PTPRT: variants seen among roughly 807,000 people sequenced by gnomAD.
The protein encoded by PTPRT is protein tyrosine phosphatase receptor type T, also known as receptor-type tyrosine-protein phosphatase T.
In PTPRT, 56 loss-of-function variants were observed where a neutral mutation model predicts 176.8. That is an observed-to-expected ratio of 0.32 (90% CI 0.26 to 0.40). The LOEUF is 0.40. Ranked by LOEUF, PTPRT falls within the 10% of genes least tolerant of loss-of-function variation. The pLI, the probability that PTPRT is intolerant of heterozygous loss-of-function variation, is 1.00. For missense variants in PTPRT, 1,540 were observed against 1,908.2 expected (o/e 0.81, Z 3.60); for synonymous variants, 783 against 739.0 (o/e 1.06, Z -0.96).
At chr20:42,416,947 G>A (rs1185886924) in intron 9 of PTPRT, among the ~76,000 whole-genome samples, 1 of 152,112 alleles carries the variant, frequency 6.6e-6, no homozygotes, top group Non-Finnish European at 1.5e-5. Flanking sequence ...GACTGTGGGT[G>A]TTTCTTCTTC....
chr20:42,838,549 C>A (rs1452931606), intron 2 of PTPRT, among the ~76,000 whole-genome samples: 2 of 152,092 alleles, frequency 1.3e-5, no homozygotes, highest in Non-Finnish European at 2.9e-5. Context: ...GGCTTCTGAC[C>A]AAAGGGTCTA....
At chr20:43,127,049 G>C (rs145354949) in intron 1 of PTPRT, among the ~76,000 whole-genome samples, 28 of 152,132 alleles carry the variant, frequency 1.8e-4, no homozygotes, top group Admixed American at 1.8e-3. Flanking sequence ...AATATTTGTG[G>C]GGTAGATTTA....
chr20:42,115,081 G>A (rs1337855628), intron 22 of PTPRT, 118 bp downstream of exon 22: 8 of 721,626 alleles, frequency 1.1e-5, no homozygotes, highest in Non-Finnish European at 2.0e-5. Context: ...CTGATCTGTT[G>A]CTGGTGCCAA....
chr20:42,366,995 A>G (rs1344979609), intron 9 of PTPRT, among the ~76,000 whole-genome samples: 1 of 152,186 alleles, frequency 6.6e-6, no homozygotes, highest in Non-Finnish European at 1.5e-5. Context: ...TTCTTTATAG[A>G]TGTAATCCTT....
rs74478603 is a variant in PTPRT, at chr20:42,498,079, A to G, written c.1154-25517T>C. The stretch of plus-strand genomic sequence containing the variant: ...TGTATGGGTATCACGGTGTTTTTCA[A>G]GGTTTACACTATTGCACCAAACATG... On this transcript the variant is annotated intron_variant, in intron 7 of 30. Transcript: ENST00000373187. Among the ~76,000 whole-genome samples, 1,108 of 152,252 alleles carry G rather than the reference A, an allele frequency of 7.3e-3. 15 individuals are homozygous for G. The highest frequency in any genetic ancestry group is 0.026 in the African/African-American group (1,060 of 41,540).
intron 11 of PTPRT, among the ~76,000 whole-genome samples, chr20:42,336,182 A>G (rs1353574848): frequency 6.6e-6 from 1 of 152,182 alleles, no homozygotes; most frequent in African/African-American, 2.4e-5. Flanking sequence ...ACCTGTTTTT[A>G]TGGAATTGTA....
intron 1 of PTPRT, among the ~76,000 whole-genome samples, chr20:42,916,366 C>G (rs1163595977): frequency 2.6e-5 from 4 of 152,018 alleles, no homozygotes; most frequent in East Asian, 3.9e-4. Context: ...GTCTATCGTT[C>G]TTGGACATTT....
chr20:42,597,100 A>C (rs2073684630), intron 7 of PTPRT, among the ~76,000 whole-genome samples: 1 of 152,170 alleles, frequency 6.6e-6, no homozygotes, highest in Non-Finnish European at 1.5e-5. Flanking sequence ...ATCTCATCTT[A>C]GGCTGAGTCT....
At chr20:42,196,218 T>G (rs1046997823) in intron 16 of PTPRT, among the ~76,000 whole-genome samples, 1 of 152,234 alleles carries the variant, frequency 6.6e-6, no homozygotes, top group South Asian at 2.1e-4. Context: ...ACTTGACCAG[T>G]ATTTTCAATC....
rs190052304 is a variant in PTPRT at position 43,156,792 on chromosome 20, A to C, written c.88+32854T>G. ...GAAAAATTTGCTACAGCTACACTGG[A>C]GTGTCTGAGATCATTGAGAGACACC... On this transcript the variant is annotated intron_variant, in intron 1 of 30. Transcript: ENST00000373187. Among the ~76,000 whole-genome samples the C allele has an allele frequency of 1.1e-4, 16 of 152,300 alleles. No homozygotes were observed. The East Asian group carries it at 3.1e-3, about 29-fold the overall frequency.
chr20:43,119,754 T>C (rs2013189419), intron 1 of PTPRT, among the ~76,000 whole-genome samples: 1 of 152,210 alleles, frequency 6.6e-6, no homozygotes, highest in Non-Finnish European at 1.5e-5. Flanking sequence ...ACTTGTGATG[T>C]GTTTAATAAA....
chr20:42,323,479 A>G (rs931804078), intron 11 of PTPRT, among the ~76,000 whole-genome samples: 3 of 152,168 alleles, frequency 2.0e-5, no homozygotes, highest in Non-Finnish European at 4.4e-5. Context: ...ATGAAGCTGG[A>G]AACCATCATT....
chr20:42,342,789 G>A (rs1231192282), intron 11 of PTPRT, among the ~76,000 whole-genome samples: 1 of 152,150 alleles, frequency 6.6e-6, no homozygotes, highest in East Asian at 1.9e-4. Flanking sequence ...GTTATTAAAG[G>A]AATCCTGAAG....
At chr20:42,825,948 AAAC>A (rs2077985458) in intron 2 of PTPRT, among the ~76,000 whole-genome samples, 2 of 152,130 alleles carry the variant, frequency 1.3e-5, no homozygotes, top group African/African-American at 4.8e-5. Flanking sequence ...CTAGGGCTGA[AAAC>A]AAAATTACCT....
chr20:43,066,170 C>T (rs1487415796), intron 1 of PTPRT, among the ~76,000 whole-genome samples: 2 of 152,112 alleles, frequency 1.3e-5, no homozygotes, highest in Non-Finnish European at 2.9e-5. Flanking sequence ...GTGGCAGGTG[C>T]CTGTATGAGG....
At chr20:42,501,785 T>A (rs1438233378) in intron 7 of PTPRT, among the ~76,000 whole-genome samples, 1 of 152,196 alleles carries the variant, frequency 6.6e-6, no homozygotes, top group Non-Finnish European at 1.5e-5. Context: ...CCCACTTCTC[T>A]AGCTTTGCCA....
chr20:42,109,334 G>C (rs964143252), intron 23 of PTPRT, among the ~76,000 whole-genome samples: 1 of 152,130 alleles, frequency 6.6e-6, no homozygotes, highest in Non-Finnish European at 1.5e-5. Context: ...TTGGGAAGGA[G>C]GGGGATGCCA....
chr20:43,175,205 G>T (rs2015097144), intron 1 of PTPRT, among the ~76,000 whole-genome samples: 6 of 152,208 alleles, frequency 3.9e-5, no homozygotes, highest in Admixed American at 3.9e-4. Flanking sequence ...TGTGACAAGG[G>T]AATAGAACTG....
intron 7 of PTPRT, among the ~76,000 whole-genome samples, chr20:42,530,874 G>A (rs2072371429): frequency 6.6e-6 from 1 of 152,220 alleles, no homozygotes; most frequent in Admixed American, 6.5e-5. Context: ...TAAATTGGAT[G>A]TCAGTGGTTT....
Sources: allele counts gnomAD v4.1 joint callset (sites outside exome capture counted in the v4.1 genomes callset), GRCh38; gene constraint gnomAD v4.1.1; transcripts MANE v1.5; gene names NCBI Gene and HGNC (gene_info 2026-07-23, HGNC 2026-07-21).